IGF2BP2: variants seen among roughly 807,000 people sequenced by gnomAD.
IGF2BP2 encodes the protein insulin like growth factor 2 mRNA binding protein 2, also known as insulin-like growth factor 2 mRNA-binding protein 2.
Under a neutral mutation model 75.8 loss-of-function variants are expected in IGF2BP2, and 17 were observed. That is an observed-to-expected ratio of 0.22 (90% CI 0.15 to 0.34). The LOEUF (loss-of-function observed/expected upper bound fraction) is 0.34, where lower values mean the gene tolerates loss of function less well. IGF2BP2 is among the 10% of genes least tolerant of loss of function. The probability of loss-of-function intolerance (pLI) is 1.00; values close to 1 mark genes in which losing one functional copy is unlikely to be tolerated. For missense variants in IGF2BP2, 516 were observed against 772.4 expected, an observed-to-expected ratio of 0.67 and a Z score of 3.93; for synonymous variants, 288 against 295.6, an observed-to-expected ratio of 0.97 and a Z score of 0.26.
intron 10 of IGF2BP2, among the ~76,000 whole-genome samples, chr3:185,668,506 GAGATAT>G (rs1269486567): frequency 2.1e-4 from 27 of 128,014 alleles, no homozygotes; most frequent in Middle Eastern, 4.2e-3. Flanking sequence ...GAGAGAGAGA[GAGATAT>G]ATATATATAT....
intron 12 of IGF2BP2, among the ~76,000 whole-genome samples, chr3:185,654,017 T>C (rs1193498002): frequency 6.6e-6 from 1 of 152,180 alleles, no homozygotes; most frequent in Non-Finnish European, 1.5e-5. Context: ...CCAGCTTCCA[T>C]CCATGGGCCT....
chr3:185,665,327 AGG>A, intron 10 of IGF2BP2, among the ~76,000 whole-genome samples: 1 of 104,660 alleles, frequency 9.6e-6, no homozygotes, highest in Non-Finnish European at 2.0e-5. Context: ...GAGAAGGAGG[AGG>A]AGGAGGAGGA....
chr3:185,778,360 A>G (rs1734787679), intron 2 of IGF2BP2, among the ~76,000 whole-genome samples: 1 of 152,196 alleles, frequency 6.6e-6, no homozygotes, highest in African/African-American at 2.4e-5. Flanking sequence ...GTACTCAGAG[A>G]AAAGCCACAC....
At chr3:185,689,967 C>CA (rs5855070) in intron 5 of IGF2BP2, among the ~76,000 whole-genome samples, 17 of 118,208 alleles carry the variant, frequency 1.4e-4, no homozygotes, top group East Asian at 9.5e-4. Flanking sequence ...GACTCCGTCT[C>CA]AAAAAAAAAA....
At chr3:185,646,207 G>T (rs796455041) in intron 15 of IGF2BP2, among the ~76,000 whole-genome samples, 14 of 152,262 alleles carry the variant, frequency 9.2e-5, no homozygotes, top group African/African-American at 3.4e-4. Flanking sequence ...AGCAGACAGG[G>T]GCGTGGCCAG....
chr3:185,784,795 C>T (rs1026363403), intron 2 of IGF2BP2, among the ~76,000 whole-genome samples: 3 of 152,178 alleles, frequency 2.0e-5, no homozygotes, highest in African/African-American at 7.2e-5. Flanking sequence ...ATCACCAGTA[C>T]AGCCAGTCCC....
intron 2 of IGF2BP2, among the ~76,000 whole-genome samples, chr3:185,807,547 G>C (rs182879651): frequency 1.3e-5 from 2 of 152,250 alleles, no homozygotes; most frequent in Non-Finnish European, 2.9e-5. Context: ...ATTAAGTATC[G>C]TTTCAATTTG....
intron 2 of IGF2BP2, among the ~76,000 whole-genome samples, chr3:185,791,278 C>CA (rs1197756370): frequency 1.3e-5 from 2 of 152,216 alleles, no homozygotes; most frequent in Non-Finnish European, 2.9e-5. Flanking sequence ...GTCCTACTTC[C>CA]AGCTCTGACG....
chr3:185,782,600 C>A (rs1447437900), intron 2 of IGF2BP2, among the ~76,000 whole-genome samples: 2 of 152,154 alleles, frequency 1.3e-5, no homozygotes, highest in African/African-American at 4.8e-5. Context: ...ATGGCACTTA[C>A]AAGGTGGTCA....
chr3:185,690,734 G>A (rs1183946804), intron 5 of IGF2BP2, among the ~76,000 whole-genome samples: 1 of 152,206 alleles, frequency 6.6e-6, no homozygotes, highest in African/African-American at 2.4e-5. Context: ...CAGTTTAGGA[G>A]AGAGCATTTG....
chr3:185,713,276 T>C (rs1037536518), intron 2 of IGF2BP2: 3 of 375,266 alleles, frequency 8.0e-6, no homozygotes, highest in Middle Eastern at 7.6e-4. Flanking sequence ...ATTAGTAATA[T>C]AGGGATACTC....
chr3:185,689,586 G>A lies in IGF2BP2; in HGVS notation c.446C>T (p.Ser149Phe). Residue 149 changes from serine (S) to phenylalanine (F), a missense_variant, in exon 6 of 16, where the codon TCC becomes TTC. Transcript: ENST00000382199. ...ATCCGGGATGTAGGAAATCTTGAAGGAGTAGTTCTCAAACTGATGCCCGCT... is the reference window on the plus strand; with the variant it reads ...ATCCGGGATGTAGGAAATCTTGAAGAAGTAGTTCTCAAACTGATGCCCGCT... The part of the protein sequence containing the change: ...KLSGHQFENY[S>F]FKISYIPDEE... 1.9e-6 allele frequency: 3 copies of A among 1,614,192 alleles called. No homozygotes were observed. Among genetic ancestry groups the A allele is most frequent in the Non-Finnish European group, 2.5e-6 (3 of 1,180,016 alleles).
intron 2 of IGF2BP2, among the ~76,000 whole-genome samples, chr3:185,742,352 C>T (rs1729674246): frequency 6.6e-6 from 1 of 152,000 alleles, no homozygotes; most frequent in Non-Finnish European, 1.5e-5. Context: ...AAAAATTAGC[C>T]AGGCATGGTG....
rs906218118 is a variant in IGF2BP2 at position 185,756,950 on chromosome 3, C to T, written c.240-58603G>A. 2.0e-5 allele frequency among the ~76,000 whole-genome samples: 3 copies of T among 152,256 alleles called. No homozygotes were observed. The East Asian group carries it at 5.8e-4, about 29-fold the overall frequency. ...CACCACTGAACTCCAGTCTAGGCAACAGAGTGAGATCCTGTCTCTAAATAA... is the reference window on the plus strand; with the variant it reads ...CACCACTGAACTCCAGTCTAGGCAATAGAGTGAGATCCTGTCTCTAAATAA... On this transcript the variant is annotated intron_variant, in intron 2 of 15. Coordinates refer to ENST00000382199, the MANE Select transcript of IGF2BP2 (RefSeq NM_006548.6).
At chr3:185,772,560 T>C (rs150614454) in intron 2 of IGF2BP2, among the ~76,000 whole-genome samples, 23 of 151,592 alleles carry the variant, frequency 1.5e-4, no homozygotes, top group African/African-American at 5.3e-4. Flanking sequence ...TACAACTCCT[T>C]TTCTTCCCTT....
Position 185,790,857 on chromosome 3 carries a change from GAAGT to G in IGF2BP2, c.239+32292_239+32295del, listed in dbSNP as rs560950979. On this transcript the variant is annotated intron_variant, in intron 2 of 15. Coordinates refer to ENST00000382199, the MANE Select transcript of IGF2BP2 (RefSeq NM_006548.6). The stretch of plus-strand genomic sequence containing the variant: ...TATAAGACTTTATTTGAAAGGAAGA[GAAGT>G]AAGAATTACTGTCTAATCAAAGACT... 2.9e-3 allele frequency among the ~76,000 whole-genome samples: 447 copies of G among 152,334 alleles called. 1 individual carries two copies. The highest frequency in any genetic ancestry group is 5.0e-3 in the Non-Finnish European group (343 of 68,022).
At chr3:185,665,031 G>C (rs1324242172) in intron 10 of IGF2BP2, among the ~76,000 whole-genome samples, 1 of 151,918 alleles carries the variant, frequency 6.6e-6, no homozygotes, top group Non-Finnish European at 1.5e-5. Flanking sequence ...CAGGCGTGTT[G>C]GTGTGCACCT....
In IGF2BP2 at chr3:185,757,662, G is replaced by A. The variant is rs545500986; in HGVS notation, c.240-59315C>T. 2.0e-4 allele frequency among the ~76,000 whole-genome samples: 31 copies of A among 151,836 alleles called. No individual in the cohort carries two copies. The East Asian group carries it at 5.6e-3, about 28-fold the overall frequency. On this transcript the variant is annotated intron_variant, in intron 2 of 15. Coordinates refer to ENST00000382199, the MANE Select transcript of IGF2BP2 (RefSeq NM_006548.6). ...GTATTTTTTGTAGAGATGGGGTTTC[G>A]CCATGTTGCCCAGGCTGGTCTCAAA...
intron 2 of IGF2BP2, among the ~76,000 whole-genome samples, chr3:185,788,631 T>C (rs1043583271): frequency 2.6e-5 from 4 of 151,980 alleles, no homozygotes; most frequent in African/African-American, 9.7e-5. Flanking sequence ...TAGTCTGGGT[T>C]CCTGTGGAAA....
Sources: allele counts gnomAD v4.1 joint callset (sites outside exome capture counted in the v4.1 genomes callset), GRCh38; gene constraint gnomAD v4.1.1; transcripts MANE v1.5; gene names NCBI Gene and HGNC (gene_info 2026-07-23, HGNC 2026-07-21).